The following DGKB variants were observed in gnomAD, a reference collection of about 807,000 sequenced individuals.
DGKB encodes diacylglycerol kinase beta.
In DGKB, 67 loss-of-function variants were observed where a neutral mutation model predicts 114.3. The observed-to-expected ratio is 0.59, with a 90% confidence interval of 0.48 to 0.72. The LOEUF is 0.72. Ranked by LOEUF, DGKB falls within the 30% of genes least tolerant of loss-of-function variation. The pLI, the probability that DGKB is intolerant of heterozygous loss-of-function variation, is 0.00. For missense variants in DGKB, 907 were observed against 975.2 expected (o/e 0.93, Z 0.93); for synonymous variants, 398 against 323.1 (o/e 1.23, Z -2.49).
intron 23 of DGKB, among the ~76,000 whole-genome samples, chr7:14,218,548 T>C (rs1387882959): frequency 6.6e-6 from 1 of 152,062 alleles, no homozygotes; most frequent in Non-Finnish European, 1.5e-5. Flanking sequence ...AAAGGCCAAA[T>C]GCTAATGGAA....
At chr7:14,413,531 T>A (rs1040875315) in intron 21 of DGKB, among the ~76,000 whole-genome samples, 2 of 152,076 alleles carry the variant, frequency 1.3e-5, no homozygotes, top group African/African-American at 4.8e-5. Context: ...ATGTGGTCAA[T>A]AAAGCTAAAG....
intron 23 of DGKB, among the ~76,000 whole-genome samples, chr7:14,318,907 A>G (rs1200851979): frequency 1.3e-5 from 2 of 152,164 alleles, no homozygotes. Flanking sequence ...ACAATGATAG[A>G]CTGGATTAAG....
intron 20 of DGKB, among the ~76,000 whole-genome samples, chr7:14,480,450 A>G (rs1027020272): frequency 2.0e-5 from 3 of 152,120 alleles, no homozygotes; most frequent in African/African-American, 7.2e-5. Context: ...TTCAGATCCA[A>G]TTCACATGGG....
intron 21 of DGKB, among the ~76,000 whole-genome samples, chr7:14,432,762 G>A (rs1284059394): frequency 6.6e-6 from 1 of 152,116 alleles, no homozygotes; most frequent in African/African-American, 2.4e-5. Context: ...CTTTATTTCA[G>A]TTTTTATTTT....
intron 21 of DGKB, among the ~76,000 whole-genome samples, chr7:14,465,122 C>T (rs1193551904): frequency 1.3e-5 from 2 of 152,144 alleles, no homozygotes; most frequent in African/African-American, 4.8e-5. Flanking sequence ...CTCCTGGTAG[C>T]ATATCGTACT....
chr7:14,927,017 T>C (rs546536142), intron 1 of DGKB, among the ~76,000 whole-genome samples: 2 of 152,190 alleles, frequency 1.3e-5, no homozygotes, highest in East Asian at 1.9e-4. Flanking sequence ...CTGCAGACTC[T>C]TGAAGGAGCA....
At chr7:14,174,446 G>T (rs186853509) in intron 25 of DGKB, among the ~76,000 whole-genome samples, 2 of 152,200 alleles carry the variant, frequency 1.3e-5, no homozygotes, top group Admixed American at 6.5e-5. Flanking sequence ...AGCTGTGACC[G>T]CTTCTCGACT....
At chr7:14,797,643 TA>T (rs1358097112) in intron 2 of DGKB, among the ~76,000 whole-genome samples, 1 of 151,968 alleles carries the variant, frequency 6.6e-6, no homozygotes, top group African/African-American at 2.4e-5. Flanking sequence ...ACCATCTATT[TA>T]TTTTTTTTTT....
chr7:14,489,450 T>C (rs75622297), intron 20 of DGKB, among the ~76,000 whole-genome samples: 4,115 of 152,254 alleles, frequency 0.027, 188 homozygotes, highest in African/African-American at 0.093. Context: ...GGCACAAAGG[T>C]TGTATCCATC....
intron 13 of DGKB, among the ~76,000 whole-genome samples, chr7:14,631,651 A>G (rs981537241): frequency 6.6e-6 from 1 of 152,008 alleles, no homozygotes; most frequent in Non-Finnish European, 1.5e-5. Flanking sequence ...GATTTCAGTA[A>G]CATTCTTGAC....
chr7:14,317,178 A>G (rs1193287225), intron 23 of DGKB, among the ~76,000 whole-genome samples: 1 of 74,620 alleles, frequency 1.3e-5, no homozygotes, highest in Non-Finnish European at 2.7e-5. Flanking sequence ...AGCCAATATC[A>G]TACTGAATGG....
In DGKB at chr7:14,841,373, C is replaced by T. The variant is rs1375506379; in HGVS notation, c.-110G>A. 4.6e-6 allele frequency: 4 copies of T among 873,068 alleles called. No individual in the cohort carries two copies. Among genetic ancestry groups the T allele is most frequent in the Non-Finnish European group, 7.0e-6 (4 of 572,820 alleles). The allele number at this position is 873,068 out of a possible 1,614,324, so 54.1% of individuals were successfully genotyped here. A position where few individuals can be genotyped will look rare whatever the true frequency, so the allele number is the denominator to read the frequency against. Reference sequence around the variant, plus strand: ...ACATGGCATGTTTCATGATAAAATACCTCAGGCTTTCAAAATATGCAATCT... The same window carrying T: ...ACATGGCATGTTTCATGATAAAATATCTCAGGCTTTCAAAATATGCAATCT... On this transcript the variant is annotated 5_prime_UTR_variant, in exon 2 of 26. Transcript: ENST00000402815.
chr7:14,330,705 C>A (rs1809572150), intron 23 of DGKB, among the ~76,000 whole-genome samples: 1 of 151,776 alleles, frequency 6.6e-6, no homozygotes, highest in African/African-American at 2.4e-5. Context: ...TGAGAATATT[C>A]TAAATATTGT....
intron 14 of DGKB, among the ~76,000 whole-genome samples, chr7:14,622,131 C>A (rs1182349552): frequency 6.6e-6 from 1 of 152,120 alleles, no homozygotes; most frequent in African/African-American, 2.4e-5. Context: ...TCACCAATGA[C>A]CGTCTCAGTT....
At chr7:14,407,193 G>T (rs766538523) in intron 21 of DGKB, among the ~76,000 whole-genome samples, 2 of 152,064 alleles carry the variant, frequency 1.3e-5, no homozygotes, top group Non-Finnish European at 2.9e-5. Flanking sequence ...CTAGTTCAAC[G>T]GTTCCAGGAA....
chr7:14,371,511 TTTTG>T (rs1167751003), intron 21 of DGKB, among the ~76,000 whole-genome samples: 13 of 152,232 alleles, frequency 8.5e-5, no homozygotes, highest in South Asian at 6.2e-4. Flanking sequence ...TGTTAAATAG[TTTTG>T]TTTTTTACTT....
At chr7:14,176,275 T>C (rs1781727488) in intron 25 of DGKB, 1 of 938,754 alleles carries the variant, frequency 1.1e-6, no homozygotes, top group South Asian at 4.9e-5. Flanking sequence ...CAATAAAATA[T>C]TCACTATGCA....
intron 20 of DGKB, among the ~76,000 whole-genome samples, chr7:14,483,252 G>A (rs73282318): frequency 0.016 from 2,468 of 152,088 alleles, 119 homozygotes; most frequent in East Asian, 0.1. Context: ...TTCTTTTTGC[G>A]GGAATAGGAA....
intron 21 of DGKB, among the ~76,000 whole-genome samples, chr7:14,447,233 C>G (rs1189960379): frequency 6.7e-6 from 1 of 148,394 alleles, no homozygotes; most frequent in African/African-American, 2.5e-5. Context: ...AAATAGAACT[C>G]AGCCCCTTAC....
Sources: allele counts gnomAD v4.1 joint callset (sites outside exome capture counted in the v4.1 genomes callset), GRCh38; gene constraint gnomAD v4.1.1; transcripts MANE v1.5; gene names NCBI Gene and HGNC (gene_info 2026-07-23, HGNC 2026-07-21).